The following TGM1 variants were observed in gnomAD, a reference collection of about 807,000 sequenced individuals.
TGM1 encodes the protein transglutaminase 1, also known as protein-glutamine gamma-glutamyltransferase K.
Under a neutral mutation model 88.7 loss-of-function variants are expected in TGM1, and 63 were observed. That is an observed-to-expected ratio of 0.71 (90% CI 0.58 to 0.88). TGM1 has a LOEUF of 0.88. Ranked by LOEUF, TGM1 falls within the 40% of genes least tolerant of loss-of-function variation. The pLI is 0.00. For missense variants in TGM1, 996 were observed against 1,118.0 expected (o/e 0.89, Z 1.56); for synonymous variants, 415 against 431.1 (o/e 0.96, Z 0.46).
chr14:24,262,145 C>G lies in TGM1; in HGVS notation c.208G>C (p.Gly70Arg), dbSNP rs150599652. The change falls in exon 2 of 15, where the codon GGT (glycine) becomes CGT (arginine). Residue 70 changes from glycine (G) to arginine (R), a missense_variant. Transcript: ENST00000206765. ...CGAGTGCCAGAGCTGGACCCTCGAC[C>G]CCTGGAGTCAGAGGGTTCAGGTCCC... is the stretch of plus-strand genomic sequence containing the variant. ...DWGPEPSDSR[G>R]RGSSSGTRRP... The G allele has an allele frequency of 1.2e-6, 2 of 1,613,726 alleles. No individual in the cohort carries two copies. Among genetic ancestry groups the G allele is most frequent in the African/African-American group, 2.7e-5 (2 of 75,054 alleles).
rs559099419 is a variant in TGM1 at position 24,254,096 on chromosome 14, C to T, written c.2225+56G>A. ...GAGGGAGCAAAGCTGGGAGCCAGGG[C>T]AGCCTGTGGGGAAGGCCAGAGTGGA... On this transcript the variant is annotated intron_variant, in intron 14 of 14. Coordinates refer to ENST00000206765, the MANE Select transcript of TGM1 (RefSeq NM_000359.3). The T allele has an allele frequency of 1.5e-4, 237 of 1,575,910 alleles. 8 individuals are homozygous for T. In the South Asian group the frequency reaches 2.6e-3, roughly 18 times the overall value.
At position 24,255,385 on chromosome 14, in the gene TGM1, A is replaced by G; in HGVS notation, c.1624T>C (p.Tyr542His). 1 of 1,614,198 alleles carries G rather than the reference A, an allele frequency of 6.2e-7. No homozygotes were observed. The highest frequency in any genetic ancestry group is 8.5e-7 in the Non-Finnish European group (1 of 1,180,042). The change falls in exon 11 of 15, where the codon TAC becomes CAC. Residue 542 changes from tyrosine (Y) to histidine (H), a missense_variant. Physicochemically the swap from Tyr to His is moderately conservative, Grantham distance 83. Coordinates refer to ENST00000206765, the MANE Select transcript of TGM1 (RefSeq NM_000359.3). This position sits in a 1 kb window ranked among gnomAD's most constrained non-coding sequence, Gnocchi z 4.0. The stretch of plus-strand genomic sequence containing the variant: ...GTACCTTCTGGGTGCTTATAGAGGT[A>G]GGTGATGTCCTCCCGCATGTTGGAG... ...ISSNMREDITYLYKHPEGSDA... is the reference protein window; with the variant it reads ...ISSNMREDITHLYKHPEGSDA...
intron 9 of TGM1, among the ~76,000 whole-genome samples, chr14:24,256,354 A>G (rs2040751583): frequency 6.6e-6 from 1 of 152,226 alleles, no homozygotes; most frequent in African/African-American, 2.4e-5. Context: ...GGATGGGGGC[A>G]GGGTACAGAT....
chr14:24,255,280 T>C lies in TGM1; in HGVS notation c.1646-27A>G. On this transcript the variant is annotated intron_variant, in intron 11 of 14. Coordinates refer to ENST00000206765, the MANE Select transcript of TGM1 (RefSeq NM_000359.3). This position sits in a 1 kb window ranked among gnomAD's most constrained non-coding sequence, Gnocchi z 4.0. The stretch of plus-strand genomic sequence containing the variant: ...TGGGGGTTGAGGGTCAAGGGTGAGG[T>C]TCCAATTCCCACGTGGGTGGCCAAG... 6.2e-7 allele frequency: 1 copy of C among 1,614,090 alleles called. No individual in the cohort carries two copies. The highest frequency in any genetic ancestry group is 8.5e-7 in the Non-Finnish European group (1 of 1,180,030).
chr14:24,254,574 C>T, intron 13 of TGM1, 90 bp downstream of exon 13: 1 of 1,591,118 alleles, frequency 6.3e-7, no homozygotes, highest in Non-Finnish European at 8.6e-7. Flanking sequence ...TCAGGCCAGC[C>T]TGCTGCTGGC....
chr14:24,259,535 G>A lies in TGM1; in HGVS notation c.984+169C>T, dbSNP rs552169301. ...GGAGCCAGGAAAGGCGGGGTGGGGG[G>A]CAGGCAAGGGAGAGAAGAGGAGGGA... On this transcript the variant is annotated intron_variant, in intron 6 of 14. Transcript: ENST00000206765. The surrounding 1 kb of genome is among the most constrained non-coding windows in gnomAD (Gnocchi z 5.7). Among the ~76,000 whole-genome samples the A allele has an allele frequency of 6.6e-6, 1 of 152,280 alleles. No homozygotes were observed. The highest frequency in any genetic ancestry group is 2.1e-4 in the South Asian group (1 of 4,828).
chr14:24,250,809 G>A (rs1196192769), intron 14 of TGM1, among the ~76,000 whole-genome samples: 1 of 152,164 alleles, frequency 6.6e-6, no homozygotes, highest in Non-Finnish European at 1.5e-5. Flanking sequence ...TCGTGCCTGT[G>A]GGAATTTGTC....
Position 24,259,944 on chromosome 14 carries a change from C to T in TGM1, c.872G>A (p.Gly291Asp), listed in dbSNP as rs780990272. The change falls in exon 5 of 15, where the codon GGC (glycine) becomes GAC (aspartate). Residue 291 changes from glycine to aspartate, a missense_variant. Gly to Asp is a moderately conservative substitution (Grantham distance 94). Coordinates refer to ENST00000206765, the MANE Select transcript of TGM1 (RefSeq NM_000359.3). This position sits in a 1 kb window ranked among gnomAD's most constrained non-coding sequence, Gnocchi z 5.7. Reference protein sequence around the residue: ...AQIGERTWNYGQFDHGVLDAC... With the variant: ...AQIGERTWNYDQFDHGVLDAC... ...CCCTGGCCAGCCGCACCATACCTGG[C>T]CGTAGTTCCAGGTCCGCTCACCAAT... The T allele has an allele frequency of 4.8e-5, 77 of 1,613,882 alleles. No homozygotes were observed. The highest frequency in any genetic ancestry group is 5.8e-5 in the Non-Finnish European group (68 of 1,179,856).
At position 24,261,778 on chromosome 14, in the gene TGM1, C is replaced by T. The variant is rs121918718; in HGVS notation, c.425G>A (p.Arg142His). 2.5e-5 allele frequency: 41 copies of T among 1,613,956 alleles called. No individual in the cohort carries two copies. Among genetic ancestry groups the T allele is most frequent in the Middle Eastern group, 1.6e-4 (1 of 6,084 alleles). The change falls in exon 3 of 15, where the codon CGC (arginine) becomes CAC (histidine). Residue 142 changes from arginine to histidine, a missense_variant. Physicochemically the swap from Arg to His is conservative, Grantham distance 29 (BLOSUM62 0). Coordinates refer to ENST00000206765, the MANE Select transcript of TGM1 (RefSeq NM_000359.3). ...GAGCATATGGAAAGGCTGCCCGCGG[C>T]GCACTATCAGCTCGTCGTACTCATA... ...DEYEYDELIV[R>H]RGQPFHMLLL...
chr14:24,261,669 C>G (rs918857712), intron 3 of TGM1, 26 bp downstream of exon 3: 1 of 1,613,696 alleles, frequency 6.2e-7, no homozygotes, highest in Non-Finnish European at 8.5e-7. Context: ...AGGGCCTTCA[C>G]CCGTCCCAAT....
chr14:24,260,342 G>A (rs949466173), intron 4 of TGM1, 108 bp downstream of exon 4: 44 of 1,533,016 alleles, frequency 2.9e-5, no homozygotes, highest in Non-Finnish European at 3.6e-5. Context: ...TGGGAGGCTG[G>A]CTTCTCCTGG....
Position 24,255,540 on chromosome 14 carries a change from G to T in TGM1, c.1492-23C>A. On this transcript the variant is annotated intron_variant, in intron 10 of 14. Transcript: ENST00000206765. The surrounding 1 kb of genome is among the most constrained non-coding windows in gnomAD (Gnocchi z 4.0). ...CACCTGTGGGGGGTGGGGGTGAGCA[G>T]GAATGAGTGAGCCAGAGGGTCTGAG... The T allele has an allele frequency of 1.2e-6, 2 of 1,612,386 alleles. No individual in the cohort carries two copies. Among genetic ancestry groups the T allele is most frequent in the South Asian group, 2.2e-5 (2 of 91,004 alleles).
chr14:24,261,744 C>CAGG lies in TGM1; in HGVS notation c.456_458dup (p.Leu153dup). 6.2e-7 allele frequency: 1 copy of CAGG among 1,614,076 alleles called. No individual in the cohort carries two copies. Among genetic ancestry groups the CAGG allele is most frequent in the Non-Finnish European group, 8.5e-7 (1 of 1,180,012 alleles). ...GATCAGAGGATTCATAGGTCCGGGA[C>CAGG]AGGAGGAGGAGCATATGGAAAGGCT... is the stretch of plus-strand genomic sequence containing the variant. On this transcript the variant is annotated inframe_insertion, in exon 3 of 15. Coordinates refer to ENST00000206765, the MANE Select transcript of TGM1 (RefSeq NM_000359.3).
rs556165359 is a variant in TGM1 at position 24,255,371 on chromosome 14, G to T, written c.1638C>A (p.His546Gln). ...GGGTTGGGGGAATGGTACCTTCTGG[G>T]TGCTTATAGAGGTAGGTGATGTCCT... The part of the protein sequence containing the change: ...MREDITYLYK[H>Q]PEGSDAERKA... The change falls in exon 11 of 15, where the codon CAC becomes CAA. Residue 546 changes from histidine to glutamine, a missense_variant. Coordinates refer to ENST00000206765, the MANE Select transcript of TGM1 (RefSeq NM_000359.3). This position sits in a 1 kb window ranked among gnomAD's most constrained non-coding sequence, Gnocchi z 4.0. 3.1e-6 allele frequency: 5 copies of T among 1,614,234 alleles called. No individual in the cohort carries two copies. Among genetic ancestry groups the T allele is most frequent in the Non-Finnish European group, 4.2e-6 (5 of 1,180,046 alleles).
chr14:24,252,731 G>T (rs1044164308), intron 14 of TGM1, among the ~76,000 whole-genome samples: 54 of 152,164 alleles, frequency 3.5e-4, no homozygotes, highest in Admixed American at 1.6e-3. Context: ...GTGAGGGAGG[G>T]GTGGGCAAGT....
intron 4 of TGM1, 124 bp downstream of exon 4, chr14:24,260,326 G>T: frequency 6.8e-7 from 1 of 1,479,410 alleles, no homozygotes; most frequent in Non-Finnish European, 9.2e-7. Flanking sequence ...CCTCTCATCT[G>T]CCCAATGGGA....
chr14:24,261,718 C>A lies in TGM1; in HGVS notation c.485G>T (p.Arg162Leu). Residue 162 changes from arginine to leucine, a missense_variant, in exon 3 of 15, where the codon CGC (arginine) becomes CTC (leucine). Coordinates refer to ENST00000206765, the MANE Select transcript of TGM1 (RefSeq NM_000359.3). The stretch of plus-strand genomic sequence containing the variant: ...ACCGATGAGTAACTCAAGGGTGATG[C>A]GATCAGAGGATTCATAGGTCCGGGA... Reference protein sequence around the residue: ...LLSRTYESSDRITLELLIGNN... With the variant: ...LLSRTYESSDLITLELLIGNN... The A allele has an allele frequency of 2.5e-6, 4 of 1,614,110 alleles. No homozygotes were observed. The highest frequency in any genetic ancestry group is 3.4e-6 in the Non-Finnish European group (4 of 1,180,024).
At position 24,255,359 on chromosome 14, in the gene TGM1, G is replaced by T. The variant is rs187575724; in HGVS notation, c.1645+5C>A. 1,263 of 1,614,192 alleles carry T rather than the reference G, an allele frequency of 7.8e-4. 16 individuals carry two copies. In the African/African-American group the frequency reaches 0.014, roughly 18 times the overall value. On this transcript the variant is annotated splice_donor_5th_base_variant and intron_variant, in intron 11 of 14. Transcript: ENST00000206765. The surrounding 1 kb of genome is among the most constrained non-coding windows in gnomAD (Gnocchi z 4.0). ...CCAGAGCTGGCTGGGTTGGGGGAATGGTACCTTCTGGGTGCTTATAGAGGT... is the reference window on the plus strand; with the variant it reads ...CCAGAGCTGGCTGGGTTGGGGGAATTGTACCTTCTGGGTGCTTATAGAGGT...
chr14:24,260,312 C>CT, intron 4 of TGM1, 138 bp downstream of exon 4: 1 of 1,406,920 alleles, frequency 7.1e-7, no homozygotes, highest in South Asian at 1.2e-5. Context: ...CACCAGGCCT[C>CT]GGTCCTCTCA....
Sources: gnomAD v4.1 joint callset for allele counts (sites outside exome capture counted in the v4.1 genomes callset) on GRCh38, gnomAD v4.1.1 for gene constraint, Gnocchi (gnomAD v3.1) non-coding constraint, MANE v1.5 for transcripts, NCBI Gene and HGNC (gene_info 2026-07-23, HGNC 2026-07-21) for gene names.